The following RRN3 variants were observed in gnomAD, a reference collection of about 807,000 sequenced individuals.
The protein encoded by RRN3 is RNA polymerase I transcription factor RRN3.
RRN3 carries 38 observed loss-of-function variants against 82.3 expected under a neutral mutation model. The ratio of observed to expected loss-of-function variants is 0.46; its 90% CI spans 0.36 to 0.61. The LOEUF is 0.61. Ranked by LOEUF, RRN3 falls within the 20% of genes least tolerant of loss-of-function variation. RRN3 has a pLI of 0.00. For synonymous variants in RRN3, 284 were observed against 284.3 expected, an observed-to-expected ratio of 1.00 and a Z score of 0.01; for missense variants, 726 against 793.1, an observed-to-expected ratio of 0.92 and a Z score of 1.02.
intron 16 of RRN3, among the ~76,000 whole-genome samples, chr16:15,064,718 G>A (rs775517409): frequency 9.8e-5 from 15 of 152,326 alleles, no homozygotes; most frequent in African/African-American, 2.9e-4. Context: ...GGGTGCCTGC[G>A]CCACTCGGCA....
At chr16:15,077,526 T>C (rs2045513092) in intron 9 of RRN3, among the ~76,000 whole-genome samples, 1 of 152,152 alleles carries the variant, frequency 6.6e-6, no homozygotes, top group Non-Finnish European at 1.5e-5. Flanking sequence ...TCCCCAGCCA[T>C]GTGGAACTGT....
chr16:15,060,186 C>T lies in RRN3; in HGVS notation c.*1558G>A, dbSNP rs1261565346. On this transcript the variant is annotated 3_prime_UTR_variant, in exon 18 of 18. Transcript: ENST00000198767. ...TTCTACATTAAAACTACTTCCCAAC[C>T]CACAAAGACCCCACTTACTACTAAT... 9 of 417,420 alleles carry T rather than the reference C, an allele frequency of 2.2e-5. No homozygotes were observed. The East Asian group carries it at 6.9e-4, about 32-fold the overall frequency. 25.9% of individuals were successfully genotyped at this position (417,420 alleles called of 1,614,324 possible). A position where few individuals can be genotyped will look rare whatever the true frequency, so the allele number is the denominator to read the frequency against.
chr16:15,091,433 G>A (rs2046126383), intron 2 of RRN3, 62 bp from the exon 3 acceptor site: 1 of 1,121,242 alleles, frequency 8.9e-7, no homozygotes. Context: ...TCAACAGCAA[G>A]ACTTTTAACC....
chr16:15,062,869 G>A (rs1224017536), intron 17 of RRN3, among the ~76,000 whole-genome samples: 1 of 152,216 alleles, frequency 6.6e-6, no homozygotes, highest in Non-Finnish European at 1.5e-5. Context: ...GTTTTGGTGT[G>A]CTTTTTTAAA....
rs767792530 is a variant in RRN3, at chr16:15,061,701, T to TG, written c.*42dup. 4.4e-6 allele frequency: 7 copies of TG among 1,581,544 alleles called. No individual in the cohort carries two copies. Among genetic ancestry groups the TG allele is most frequent in the Non-Finnish European group, 6.1e-6 (7 of 1,154,428 alleles). ...TGGGTGCTGAGGGCATGACAAGTGA[T>TG]GGGGAATCCCAAATGTCACATCTCA... On this transcript the variant is annotated 3_prime_UTR_variant, in exon 18 of 18. Transcript: ENST00000198767.
rs766148713 is a variant in RRN3 at position 15,091,378 on chromosome 16, A to G, written c.196-7T>C. 3.1e-5 allele frequency: 49 copies of G among 1,568,958 alleles called. No homozygotes were observed. The highest frequency in any genetic ancestry group is 4.0e-5 in the Non-Finnish European group (46 of 1,146,266). ...CAAAGTCATTTGTTTCACCCTTAAC[A>G]AGAAGGGGAAAGAATTAAGTTATGC... On this transcript the variant is annotated splice_polypyrimidine_tract_variant and splice_region_variant and intron_variant, in intron 2 of 17. Coordinates refer to ENST00000198767, the MANE Select transcript of RRN3 (RefSeq NM_018427.5).
intron 1 of RRN3, 60 bp from the exon 2 acceptor site, chr16:15,092,674 C>G: frequency 5.4e-6 from 6 of 1,118,538 alleles, no homozygotes; most frequent in Non-Finnish European, 6.8e-6. Flanking sequence ...TTATAATAGC[C>G]AACATTTATT....
At chr16:15,080,485 C>A (rs576162355) in intron 8 of RRN3, among the ~76,000 whole-genome samples, 1 of 152,132 alleles carries the variant, frequency 6.6e-6, no homozygotes, top group African/African-American at 2.4e-5. Flanking sequence ...CTCAGGATGG[C>A]GTACAGTGGT....
intron 1 of RRN3, 38 bp downstream of exon 1, chr16:15,094,107 C>A (rs746847333): frequency 6.5e-7 from 1 of 1,541,992 alleles, no homozygotes; most frequent in Non-Finnish European, 8.8e-7. Flanking sequence ...CCTGAGCTTT[C>A]GTCCCAGATA....
chr16:15,093,249 C>A (rs1225625208), intron 1 of RRN3, among the ~76,000 whole-genome samples: 3 of 152,212 alleles, frequency 2.0e-5, no homozygotes, highest in Non-Finnish European at 2.9e-5. Context: ...GATGATCCGC[C>A]CGCCTCGGCC....
chr16:15,075,615 T>C (rs1426235835), intron 10 of RRN3, among the ~76,000 whole-genome samples: 3 of 151,968 alleles, frequency 2.0e-5, no homozygotes, highest in East Asian at 1.9e-4. Context: ...TGCAGACACC[T>C]TTCCAGGCAG....
At chr16:15,073,698 G>T (rs1394421184) in intron 11 of RRN3, among the ~76,000 whole-genome samples, 2 of 152,102 alleles carry the variant, frequency 1.3e-5, no homozygotes, top group East Asian at 3.8e-4. Flanking sequence ...TGAATATATA[G>T]GCACAAGTAT....
intron 17 of RRN3, 91 bp from the exon 18 acceptor site, chr16:15,061,996 TA>T: frequency 7.9e-7 from 1 of 1,261,000 alleles, no homozygotes; most frequent in Non-Finnish European, 1.1e-6. Context: ...TTAACGTTTG[TA>T]AAGATGGTGA....
chr16:15,065,096 G>A (rs2044905682), intron 16 of RRN3, 123 bp downstream of exon 16: 1 of 942,034 alleles, frequency 1.1e-6, no homozygotes, highest in Non-Finnish European at 1.6e-6. Flanking sequence ...AACCCGGGAG[G>A]CGGAGCTTGC....
intron 9 of RRN3, among the ~76,000 whole-genome samples, chr16:15,079,753 T>C (rs1206630113): frequency 2.0e-5 from 3 of 152,182 alleles, no homozygotes; most frequent in Non-Finnish European, 4.4e-5. Context: ...CCATCATGCC[T>C]GGCTAATTTT....
In RRN3 at chr16:15,074,729, C is replaced by G; in HGVS notation, c.991G>C (p.Val331Leu). 1 of 1,613,310 alleles carries G rather than the reference C, an allele frequency of 6.2e-7. No homozygotes were observed. Among genetic ancestry groups the G allele is most frequent in the Non-Finnish European group, 8.5e-7 (1 of 1,179,642 alleles). Reference sequence around the variant, plus strand: ...AGTAGCTACTGTGATTTACCATCTACATAGCAGACATCCTTCATGTAGGAC... The same window carrying G: ...AGTAGCTACTGTGATTTACCATCTAGATAGCAGACATCCTTCATGTAGGAC... ...VLSYMKDVCY[V>L]DGKVDNGKTK... is the part of the protein sequence containing the mutation. The change falls in exon 11 of 18, where the codon GTA becomes CTA. Residue 331 changes from valine to leucine, a missense_variant. Transcript: ENST00000198767.
intron 12 of RRN3, among the ~76,000 whole-genome samples, chr16:15,072,367 A>G (rs1471585829): frequency 6.6e-6 from 1 of 152,184 alleles, no homozygotes; most frequent in African/African-American, 2.4e-5. Flanking sequence ...AAGGAAATAC[A>G]GTTAATTACC....
chr16:15,091,264 C>A (rs1276826236), intron 3 of RRN3, 51 bp downstream of exon 3: 2 of 1,603,322 alleles, frequency 1.2e-6, no homozygotes, highest in Admixed American at 1.7e-5. Context: ...CAAACTATGT[C>A]TGTATACAGT....
At chr16:15,080,925 C>CAAA (rs2045673976) in intron 8 of RRN3, among the ~76,000 whole-genome samples, 1 of 151,762 alleles carries the variant, frequency 6.6e-6, no homozygotes. Context: ...TCAATGGAGT[C>CAAA]ATACACAGTT....
Sources: allele counts gnomAD v4.1 joint callset (sites outside exome capture counted in the v4.1 genomes callset), GRCh38; gene constraint gnomAD v4.1.1; transcripts MANE v1.5; gene names NCBI Gene and HGNC (gene_info 2026-07-23, HGNC 2026-07-21).